Variants in SEC61A2 observed in about 807,000 individuals in gnomAD.
The protein encoded by SEC61A2 is protein transport protein Sec61 subunit alpha isoform 2.
SEC61A2 carries 28 observed loss-of-function variants against 59.9 expected under a neutral mutation model. That is an observed-to-expected ratio of 0.47 (90% CI 0.35 to 0.64). SEC61A2 has a LOEUF of 0.64. Among genes scored for constraint, SEC61A2 ranks in the 30% least tolerant of loss-of-function variants. The pLI is 0.01. For synonymous variants in SEC61A2, 202 were observed against 214.4 expected (o/e 0.94, Z 0.50); for missense variants, 340 against 585.9 (o/e 0.58, Z 4.33).
chr10:12,157,748 G>A (rs1293622219), intron 8 of SEC61A2, among the ~76,000 whole-genome samples, 160 bp from the exon 9 acceptor site: 2 of 151,952 alleles, frequency 1.3e-5, no homozygotes, highest in Non-Finnish European at 1.5e-5. Context: ...TGATCTGCCC[G>A]CCTCGGCCTC....
In SEC61A2 at chr10:12,156,325, A is replaced by G. The variant is rs1387189253; in HGVS notation, c.616+394A>G. Reference sequence around the variant, plus strand: ...CATTGAATCCACCTGGAGCACTCCTACTCTGCTGCTCTTCTAATTGGCTTT... The same window carrying G: ...CATTGAATCCACCTGGAGCACTCCTGCTCTGCTGCTCTTCTAATTGGCTTT... On this transcript the variant is annotated intron_variant, in intron 7 of 11. Transcript: ENST00000298428. The surrounding 1 kb of genome is among the most constrained non-coding windows in gnomAD (Gnocchi z 5.2). Among the ~76,000 whole-genome samples, 2 of 152,126 alleles carry G rather than the reference A, an allele frequency of 1.3e-5. No homozygotes were observed. The highest frequency in any genetic ancestry group is 1.3e-4 in the Admixed American group (2 of 15,268).
In SEC61A2 at chr10:12,162,739, A is replaced by G. The variant is rs562827806; in HGVS notation, c.1244+450A>G. ...TTAGTATATTCAGACTTGTACAGTC[A>G]TAAGTTTAAACACATTTTCACCACC... On this transcript the variant is annotated intron_variant, in intron 11 of 11. Transcript: ENST00000298428. The surrounding 1 kb of genome is among the most constrained non-coding windows in gnomAD (Gnocchi z 6.1). Among the ~76,000 whole-genome samples, 1 of 152,232 alleles carries G rather than the reference A, an allele frequency of 6.6e-6. No individual in the cohort carries two copies. The highest frequency in any genetic ancestry group is 2.1e-4 in the South Asian group (1 of 4,832).
chr10:12,130,332 C>G (rs752340137), intron 1 of SEC61A2, among the ~76,000 whole-genome samples: 62 of 152,018 alleles, frequency 4.1e-4, no homozygotes, highest in Non-Finnish European at 7.8e-4. Context: ...GGGACAAGGC[C>G]TTATGTTATA....
Position 12,129,701 on chromosome 10 carries a change from G to T in SEC61A2, c.-87G>T. The T allele has an allele frequency of 7.6e-7, 1 of 1,316,060 alleles. No individual in the cohort carries two copies. The highest frequency in any genetic ancestry group is 3.1e-5 in the East Asian group (1 of 32,408). 81.5% of individuals were successfully genotyped at this position (1,316,060 alleles called of 1,614,324 possible). A position where few individuals can be genotyped will look rare whatever the true frequency, so the allele number is the denominator to read the frequency against. ...CGCGGGGCCGGTAGGATCGCGTCGG[G>T]AGCCGGTACCGAGGCCCGAGCCGCG... On this transcript the variant is annotated 5_prime_UTR_variant, in exon 1 of 12. Coordinates refer to ENST00000298428, the MANE Select transcript of SEC61A2 (RefSeq NM_018144.4). The surrounding 1 kb of genome is among the most constrained non-coding windows in gnomAD (Gnocchi z 5.6).
rs1437594300 is a variant in SEC61A2 at position 12,161,372 on chromosome 10, G to A, written c.1167+251G>A. On this transcript the variant is annotated intron_variant, in intron 10 of 11. Transcript: ENST00000298428. The surrounding 1 kb of genome is among the most constrained non-coding windows in gnomAD (Gnocchi z 5.4). ...AGACGGAGCAGTAACGCTTGAGTCC[G>A]GGAGGTGGAGGTTGCAGTGAGCCAA... 2.0e-5 allele frequency among the ~76,000 whole-genome samples: 3 copies of A among 152,160 alleles called. No individual in the cohort carries two copies. The highest frequency in any genetic ancestry group is 2.9e-5 in the Non-Finnish European group (2 of 68,030).
intron 3 of SEC61A2, among the ~76,000 whole-genome samples, chr10:12,138,803 C>G (rs976428110): frequency 6.6e-6 from 1 of 152,204 alleles, no homozygotes; most frequent in African/African-American, 2.4e-5. Flanking sequence ...TTGGCTACAA[C>G]ACATCAATTT....
chr10:12,159,199 G>A (rs544553316), intron 9 of SEC61A2, among the ~76,000 whole-genome samples: 13 of 151,710 alleles, frequency 8.6e-5, no homozygotes, highest in Admixed American at 3.9e-4. Flanking sequence ...GGATGGTCTC[G>A]ATCTCCTGAC....
rs1024580720 is a variant in SEC61A2 at position 12,160,748 on chromosome 10, C to T, written c.976-182C>T. ...TGTCTTGCATGTAATAGGTGTTCATCGTATAACTTTGAAGGAGTGAAGGTA... is the reference window on the plus strand; with the variant it reads ...TGTCTTGCATGTAATAGGTGTTCATTGTATAACTTTGAAGGAGTGAAGGTA... On this transcript the variant is annotated intron_variant, in intron 9 of 11. Coordinates refer to ENST00000298428, the MANE Select transcript of SEC61A2 (RefSeq NM_018144.4). The surrounding 1 kb of genome is among the most constrained non-coding windows in gnomAD (Gnocchi z 4.1). Among the ~76,000 whole-genome samples, 4 of 152,108 alleles carry T rather than the reference C, an allele frequency of 2.6e-5. No individual in the cohort carries two copies. The highest frequency in any genetic ancestry group is 4.4e-5 in the Non-Finnish European group (3 of 68,028).
intron 3 of SEC61A2, 85 bp downstream of exon 3, chr10:12,136,255 A>G: frequency 2.4e-6 from 2 of 834,874 alleles, no homozygotes; most frequent in Non-Finnish European, 4.1e-6. Context: ...TTTTTGTTAA[A>G]ATAAAGAATA....
At chr10:12,131,392 G>T (rs986437305) in intron 1 of SEC61A2, among the ~76,000 whole-genome samples, 2 of 152,164 alleles carry the variant, frequency 1.3e-5, no homozygotes, top group African/African-American at 4.8e-5. Context: ...CCACATTGCA[G>T]ACCCTTTGGC....
At chr10:12,167,622 T>C (rs1834735265), downstream of SEC61A2, 1 of 1,367,404 alleles carries the variant, frequency 7.3e-7, no homozygotes, top group East Asian at 2.3e-5. Flanking sequence ...AAATCTACAT[T>C]AAACTAAGTT....
Position 12,142,983 on chromosome 10 carries a change from T to G in SEC61A2, c.142-134T>G. 1 of 614,336 alleles carries G rather than the reference T, an allele frequency of 1.6e-6. No individual in the cohort carries two copies. Among genetic ancestry groups the G allele is most frequent in the South Asian group, 2.1e-5 (1 of 47,946 alleles). The allele number at this position is 614,336 out of a possible 1,614,324, so 38.1% of individuals were successfully genotyped here. A position where few individuals can be genotyped will look rare whatever the true frequency, so the allele number is the denominator to read the frequency against. On this transcript the variant is annotated intron_variant, in intron 3 of 11. Transcript: ENST00000298428. This position sits in a 1 kb window ranked among gnomAD's most constrained non-coding sequence, Gnocchi z 5.4. Reference sequence around the variant, plus strand: ...TATACTTTTTTTTTTTGAGACAGAGTCTCCTGTCACCCAGGCTGGAGTGCA... The same window carrying G: ...TATACTTTTTTTTTTTGAGACAGAGGCTCCTGTCACCCAGGCTGGAGTGCA...
chr10:12,135,087 A>G (rs953714968), intron 2 of SEC61A2, among the ~76,000 whole-genome samples: 1 of 142,528 alleles, frequency 7.0e-6, no homozygotes. Flanking sequence ...TCACTCGTAA[A>G]TGGGAGCTGA....
chr10:12,130,139 T>C (rs1304578747), intron 1 of SEC61A2, among the ~76,000 whole-genome samples: 1 of 152,150 alleles, frequency 6.6e-6, no homozygotes, highest in Non-Finnish European at 1.5e-5. Context: ...GTGTTTTTAT[T>C]CCCTCGTCAT....
At chr10:12,135,887 C>T (rs1022534925) in intron 2 of SEC61A2, among the ~76,000 whole-genome samples, 4 of 152,086 alleles carry the variant, frequency 2.6e-5, no homozygotes, top group Non-Finnish European at 4.4e-5. Context: ...GCATGTGTGT[C>T]TGTATATATG....
At chr10:12,148,629 T>C (rs536307398) in intron 4 of SEC61A2, among the ~76,000 whole-genome samples, 2 of 151,246 alleles carry the variant, frequency 1.3e-5, no homozygotes, top group African/African-American at 4.8e-5. Flanking sequence ...AACCTCCAAC[T>C]CCTCGGTTCA....
Position 12,160,853 on chromosome 10 carries a change from A to G in SEC61A2, c.976-77A>G. ...TGAACTTAAAACACTGTCATTTCTG[A>G]GAAGTTTGAAGTGACATGCAAATGT... On this transcript the variant is annotated intron_variant, in intron 9 of 11. Coordinates refer to ENST00000298428, the MANE Select transcript of SEC61A2 (RefSeq NM_018144.4). This position sits in a 1 kb window ranked among gnomAD's most constrained non-coding sequence, Gnocchi z 4.1. 8.2e-7 allele frequency: 1 copy of G among 1,223,198 alleles called. No homozygotes were observed. The highest frequency in any genetic ancestry group is 1.5e-5 in the South Asian group (1 of 67,658). 75.8% of individuals were successfully genotyped at this position (1,223,198 alleles called of 1,614,324 possible).
In SEC61A2 at chr10:12,143,107, A is replaced by G. The variant is rs772976702; in HGVS notation, c.142-10A>G. On this transcript the variant is annotated splice_polypyrimidine_tract_variant and intron_variant, in intron 3 of 11. Coordinates refer to ENST00000298428, the MANE Select transcript of SEC61A2 (RefSeq NM_018144.4). The surrounding 1 kb of genome is among the most constrained non-coding windows in gnomAD (Gnocchi z 4.8). ...TACAGTTTCATAAACTATTTTGTGTACTATTTTAGATCCCACTGTTTGGAA... is the reference window on the plus strand; with the variant it reads ...TACAGTTTCATAAACTATTTTGTGTGCTATTTTAGATCCCACTGTTTGGAA... 1 of 1,596,182 alleles carries G rather than the reference A, an allele frequency of 6.3e-7. No homozygotes were observed.
intron 4 of SEC61A2, among the ~76,000 whole-genome samples, chr10:12,144,031 A>G (rs1243019293): frequency 1.3e-5 from 2 of 152,064 alleles, no homozygotes; most frequent in Non-Finnish European, 2.9e-5. Flanking sequence ...AGGTTTTGCC[A>G]TGTTGCCTAG....
Sources: allele counts gnomAD v4.1 joint callset (sites outside exome capture counted in the v4.1 genomes callset), GRCh38; gene constraint gnomAD v4.1.1; non-coding constraint Gnocchi (gnomAD v3.1); transcripts MANE v1.5; gene names NCBI Gene and HGNC (gene_info 2026-07-23, HGNC 2026-07-21).